MAPK6: variants seen among roughly 807,000 people sequenced by gnomAD.
MAPK6 encodes the protein ERK-3.
A neutral mutation model predicts 59.3 loss-of-function variants in MAPK6; 19 were observed. That is an observed-to-expected ratio of 0.32 (90% CI 0.22 to 0.47). MAPK6 has a LOEUF of 0.47. Among genes scored for constraint, MAPK6 ranks in the 20% least tolerant of loss-of-function variants. The pLI, the probability that MAPK6 is intolerant of heterozygous loss-of-function variation, is 1.00. For missense variants in MAPK6, 724 were observed against 847.9 expected, an observed-to-expected ratio of 0.85 and a Z score of 1.81; for synonymous variants, 316 against 290.3, an observed-to-expected ratio of 1.09 and a Z score of -0.90.
chr15:52,005,215 A>G (rs1369104770), intron 3 of MAPK6, among the ~76,000 whole-genome samples: 1 of 152,176 alleles, frequency 6.6e-6, no homozygotes, highest in Non-Finnish European at 1.5e-5. Context: ...TATCTGTTGA[A>G]TGACTTGAAT....
Position 51,981,248 on chromosome 15 carries a change from C to T in MAPK6, c.-879-1958C>T, listed in dbSNP as rs1010061594. Reference sequence around the variant, plus strand: ...CAGCACTTTGGGAGGCCGAGGCCAGCGGAACATGAGGTCAGGAGATCAAGA... The same window carrying T: ...CAGCACTTTGGGAGGCCGAGGCCAGTGGAACATGAGGTCAGGAGATCAAGA... On this transcript the variant is annotated intron_variant, in intron 1 of 7. Coordinates refer to the MAPK6 transcript ENST00000691380. Among the ~76,000 whole-genome samples the T allele has an allele frequency of 9.2e-5, 14 of 151,472 alleles. 1 individual carries two copies. The highest frequency in any genetic ancestry group is 2.6e-4 in the Admixed American group (4 of 15,218).
chr15:52,005,714 A>G (rs1351196216), intron 3 of MAPK6, among the ~76,000 whole-genome samples: 1 of 152,118 alleles, frequency 6.6e-6, no homozygotes, highest in Non-Finnish European at 1.5e-5. Context: ...GAGGGGAGGT[A>G]GGTGCTATTT....
At chr15:52,044,978 A>AG (rs2031554308) in intron 1 of MAPK6, among the ~76,000 whole-genome samples, 1 of 149,764 alleles carries the variant, frequency 6.7e-6, no homozygotes, top group African/African-American at 2.5e-5. Flanking sequence ...ACCAAAAAAA[A>AG]CTATTTTGCA....
chr15:52,028,137 A>G (rs1283253242), intron 1 of MAPK6, among the ~76,000 whole-genome samples: 1 of 151,894 alleles, frequency 6.6e-6, no homozygotes, highest in Admixed American at 6.6e-5. Flanking sequence ...TATTTTTAGT[A>G]GAGACAGGGT....
At chr15:52,057,468 C>T (rs1306034138) in intron 3 of MAPK6, among the ~76,000 whole-genome samples, 1 of 152,142 alleles carries the variant, frequency 6.6e-6, no homozygotes, top group Non-Finnish European at 1.5e-5. Context: ...TCTCCATCTT[C>T]CTAGAACTCC....
At chr15:51,993,393 G>C (rs186229476) in intron 2 of MAPK6, among the ~76,000 whole-genome samples, 2 of 152,256 alleles carry the variant, frequency 1.3e-5, no homozygotes, top group African/African-American at 4.8e-5. Flanking sequence ...TATACCTTAC[G>C]ATGTCACAGA....
At chr15:51,981,964 A>C (rs1370007251) in intron 1 of MAPK6, among the ~76,000 whole-genome samples, 1 of 152,208 alleles carries the variant, frequency 6.6e-6, no homozygotes. Flanking sequence ...GGGATGGAAA[A>C]ATAATTTTTT....
At chr15:51,991,304 T>C (rs1595959813) in intron 2 of MAPK6, among the ~76,000 whole-genome samples, 1 of 152,224 alleles carries the variant, frequency 6.6e-6, no homozygotes, top group Middle Eastern at 3.4e-3. Context: ...TTGGTACTAA[T>C]ATAACCCGAG....
At chr15:52,038,846 T>G (rs2031326106) in intron 1 of MAPK6, among the ~76,000 whole-genome samples, 2 of 152,214 alleles carry the variant, frequency 1.3e-5, no homozygotes, top group South Asian at 4.1e-4. Context: ...TACAGCAATT[T>G]GAATAACATC....
intron 3 of MAPK6, among the ~76,000 whole-genome samples, chr15:52,051,631 T>G (rs1032134292): frequency 6.6e-6 from 1 of 151,970 alleles, no homozygotes; most frequent in African/African-American, 2.4e-5. Flanking sequence ...CCCAGCACTT[T>G]GGGAGGCTGC....
At position 52,045,959 on chromosome 15, in the gene MAPK6, G is replaced by A. The variant is rs576606048; in HGVS notation, c.-502G>A. The A allele has an allele frequency of 2.0e-5, 3 of 153,396 alleles. No individual in the cohort carries two copies. Among genetic ancestry groups the A allele is most frequent in the East Asian group, 3.9e-4 (2 of 5,192 alleles). 9.5% of individuals were successfully genotyped at this position (153,396 alleles called of 1,614,324 possible). On this transcript the variant is annotated 5_prime_UTR_variant, in exon 2 of 6. Transcript: ENST00000261845. The stretch of plus-strand genomic sequence containing the variant: ...GGCTTCCTGTTGAAATAAATATATA[G>A]CAACAAAGGAAAAAAAGAAGCAAAA...
rs2032086740 is a variant in MAPK6, at chr15:52,058,821, T to C, written c.865+24T>C. On this transcript the variant is annotated intron_variant, in intron 4 of 5. Coordinates refer to ENST00000261845, the MANE Select transcript of MAPK6 (RefSeq NM_002748.4). ...AGGTATTGTGACTCGAGAGTAACCC[T>C]CACGTTAATGCCTGTGTGTGAGGCA... 1.9e-6 allele frequency: 3 copies of C among 1,588,700 alleles called. No individual in the cohort carries two copies. The African/African-American group carries it at 4.0e-5, about 21-fold the overall frequency.
chr15:51,991,498 T>C (rs1371568836), intron 2 of MAPK6, among the ~76,000 whole-genome samples: 1 of 152,206 alleles, frequency 6.6e-6, no homozygotes, highest in African/African-American at 2.4e-5. Context: ...TATAAACTTT[T>C]ATTACATAAC....
At chr15:52,013,330 C>G (rs1174345213) in intron 3 of MAPK6, among the ~76,000 whole-genome samples, 1 of 151,976 alleles carries the variant, frequency 6.6e-6, no homozygotes, top group African/African-American at 2.4e-5. Flanking sequence ...CCCTAACATA[C>G]TGTCTTTAAT....
At chr15:52,031,050 T>G (rs2031011832) in intron 1 of MAPK6, among the ~76,000 whole-genome samples, 1 of 152,118 alleles carries the variant, frequency 6.6e-6, no homozygotes, top group Non-Finnish European at 1.5e-5. Context: ...CGCCTTGGCC[T>G]CCCAAAGTGC....
upstream of MAPK6, among the ~76,000 whole-genome samples, chr15:52,015,277 A>G (rs1595970332): frequency 6.6e-6 from 1 of 151,934 alleles, no homozygotes; most frequent in East Asian, 1.9e-4. Flanking sequence ...CTGGGATTAC[A>G]GGTATGAGCC....
At position 52,052,048 on chromosome 15, in the gene MAPK6, G is replaced by A. The variant is rs181296073; in HGVS notation, c.700+1911G>A. Among the ~76,000 whole-genome samples the A allele has an allele frequency of 4.6e-5, 7 of 152,262 alleles. No individual in the cohort carries two copies. The South Asian group carries it at 8.3e-4, about 18-fold the overall frequency. On this transcript the variant is annotated intron_variant, in intron 3 of 5. Transcript: ENST00000261845. ...GCATATATAAACAATTCTGTTTGTT[G>A]CGGTGTGACAAATTACTCCAAAACT... is the stretch of plus-strand genomic sequence containing the variant.
chr15:52,015,479 AT>A (rs563240004), upstream of MAPK6, among the ~76,000 whole-genome samples: 8,360 of 134,724 alleles, frequency 0.062, 421 homozygotes, highest in African/African-American at 0.14. Flanking sequence ...ACAGAATGGG[AT>A]TTTTTTTTTT....
At chr15:52,029,344 C>G (rs2030938218) in intron 1 of MAPK6, among the ~76,000 whole-genome samples, 1 of 152,162 alleles carries the variant, frequency 6.6e-6, no homozygotes, top group Admixed American at 6.5e-5. Flanking sequence ...AGGCTTCTCT[C>G]CTTTACCTGC....
Sources: gnomAD v4.1 joint callset for allele counts (sites outside exome capture counted in the v4.1 genomes callset) on GRCh38, gnomAD v4.1.1 for gene constraint, MANE v1.5 for transcripts, NCBI Gene and HGNC (gene_info 2026-07-23, HGNC 2026-07-21) for gene names.